DOCK7: variants seen among roughly 807,000 people sequenced by gnomAD.
The protein encoded by DOCK7 is dedicator of cytokinesis protein 7.
In DOCK7, 138 loss-of-function variants were observed where a neutral mutation model predicts 271.0. The ratio of observed to expected loss-of-function variants is 0.51; its 90% CI spans 0.44 to 0.59. The LOEUF is 0.59. Ranked by LOEUF, DOCK7 falls within the 20% of genes least tolerant of loss-of-function variation. DOCK7 has a pLI of 0.00. For missense variants in DOCK7, 2,066 were observed against 2,592.4 expected (o/e 0.80, Z 4.41); for synonymous variants, 823 against 876.1 (o/e 0.94, Z 1.07).
intron 18 of DOCK7, among the ~76,000 whole-genome samples, chr1:62,566,011 C>G (rs1041134542): frequency 8.6e-5 from 13 of 152,016 alleles, no homozygotes; most frequent in African/African-American, 3.1e-4. Context: ...TGAAGGACCT[C>G]TTCAAGGAGA....
Position 62,487,383 on chromosome 1 carries a change from T to C in DOCK7, c.5508+15A>G. Reference sequence around the variant, plus strand: ...CAATCTATTAGTGTCTTTAACTAACTAAAACATTACCTACCTCCCAGCCAG... The same window carrying C: ...CAATCTATTAGTGTCTTTAACTAACCAAAACATTACCTACCTCCCAGCCAG... On this transcript the variant is annotated intron_variant, in intron 43 of 49. Coordinates refer to ENST00000635253, the MANE Select transcript of DOCK7 (RefSeq NM_001367561.1). 3 of 1,609,054 alleles carry C rather than the reference T, an allele frequency of 1.9e-6. No homozygotes were observed. Among genetic ancestry groups the C allele is most frequent in the Non-Finnish European group, 2.6e-6 (3 of 1,176,138 alleles).
intron 18 of DOCK7, among the ~76,000 whole-genome samples, chr1:62,576,928 T>TA (rs1038915609): frequency 6.6e-6 from 1 of 152,138 alleles, no homozygotes; most frequent in African/African-American, 2.4e-5. Flanking sequence ...CTACTAAAAA[T>TA]AAAAAAGAAA....
intron 22 of DOCK7, 22 bp from the exon 23 acceptor site, chr1:62,545,061 G>A (rs1294294450): frequency 9.9e-6 from 15 of 1,513,764 alleles, no homozygotes; most frequent in Middle Eastern, 1.7e-4. Context: ...ATAGAAAGCA[G>A]TTTGAAAGGA....
intron 1 of DOCK7, among the ~76,000 whole-genome samples, chr1:62,670,651 T>C (rs1322769592): frequency 1.3e-5 from 2 of 151,768 alleles, no homozygotes; most frequent in Non-Finnish European, 2.9e-5. Flanking sequence ...TGGGGCCTTG[T>C]AGAACCTATG....
At chr1:62,470,861 CA>C (rs752473007) in intron 48 of DOCK7, among the ~76,000 whole-genome samples, 18 of 149,578 alleles carry the variant, frequency 1.2e-4, no homozygotes, top group African/African-American at 2.9e-4. Flanking sequence ...CTATGGAAAT[CA>C]AAAAAAAAAT....
rs1646890136 is a variant in DOCK7, at chr1:62,504,738, A to G, written c.4656T>C (p.Asp1552=). ...LFEEETEQCA[D]LCLRLLRHCS... ...AGTGTCGGAGAAGCCTGAGGCATAAATCAGCACACTGCTCTGTCTCTTCTT... is the reference window on the plus strand; with the variant it reads ...AGTGTCGGAGAAGCCTGAGGCATAAGTCAGCACACTGCTCTGTCTCTTCTT... The change falls in exon 37 of 50, where the codon GAT becomes GAC. Residue 1552 remains aspartate, a synonymous_variant. Coordinates refer to ENST00000635253, the MANE Select transcript of DOCK7 (RefSeq NM_001367561.1). 6.2e-7 allele frequency: 1 copy of G among 1,614,158 alleles called. No homozygotes were observed. Among genetic ancestry groups the G allele is most frequent in the Non-Finnish European group, 8.5e-7 (1 of 1,180,012 alleles).
chr1:62,645,261 TAGCCAAAA>T (rs1185733470), intron 7 of DOCK7, among the ~76,000 whole-genome samples: 1 of 152,076 alleles, frequency 6.6e-6, no homozygotes, highest in Non-Finnish European at 1.5e-5. Context: ...ATTATCAACT[TAGCCAAAA>T]AGTGGAAGCA....
At chr1:62,634,199 T>A (rs554466454) in intron 9 of DOCK7, among the ~76,000 whole-genome samples, 1 of 152,036 alleles carries the variant, frequency 6.6e-6, no homozygotes, top group East Asian at 1.9e-4. Context: ...ACCAAGAAAG[T>A]AAAGGATCTA....
At chr1:62,640,429 G>T (rs988383930) in intron 7 of DOCK7, among the ~76,000 whole-genome samples, 1 of 152,204 alleles carries the variant, frequency 6.6e-6, no homozygotes, top group African/African-American at 2.4e-5. Flanking sequence ...GGCTGAGGCA[G>T]GAGAATCACT....
chr1:62,633,637 T>C (rs1452490348), intron 9 of DOCK7, 59 bp from the exon 10 acceptor site: 1 of 1,188,928 alleles, frequency 8.4e-7, no homozygotes. Context: ...TCAAGGATGG[T>C]TCAATATACG....
At chr1:62,596,047 T>C (rs965228124) in intron 14 of DOCK7, among the ~76,000 whole-genome samples, 1 of 152,166 alleles carries the variant, frequency 6.6e-6, no homozygotes, top group East Asian at 1.9e-4. Context: ...TTATGAAAAA[T>C]TTCTTTTAGG....
intron 21 of DOCK7, 108 bp downstream of exon 21, chr1:62,555,717 G>T: frequency 1.6e-6 from 2 of 1,247,778 alleles, no homozygotes; most frequent in Non-Finnish European, 2.2e-6. Flanking sequence ...TTCAATAAAT[G>T]TTTGCCTTTG....
intron 1 of DOCK7, among the ~76,000 whole-genome samples, chr1:62,682,311 T>C (rs1275831452): frequency 1.3e-5 from 2 of 152,124 alleles, no homozygotes; most frequent in African/African-American, 4.8e-5. Context: ...ACACTTGAAT[T>C]AGAGGAGGGA....
intron 4 of DOCK7, among the ~76,000 whole-genome samples, chr1:62,649,803 G>T (rs1478562951): frequency 6.6e-6 from 1 of 152,028 alleles, no homozygotes; most frequent in Non-Finnish European, 1.5e-5. Context: ...TTTGTTCCTT[G>T]AACATTTCTA....
intron 14 of DOCK7, among the ~76,000 whole-genome samples, chr1:62,602,864 C>T (rs1650357260): frequency 6.6e-6 from 1 of 151,398 alleles, no homozygotes; most frequent in African/African-American, 2.4e-5. Context: ...GAATGTATGG[C>T]TTATAATGAA....
chr1:62,666,606 T>TA (rs994954999), intron 1 of DOCK7, among the ~76,000 whole-genome samples: 1 of 152,164 alleles, frequency 6.6e-6, no homozygotes, highest in African/African-American at 2.4e-5. Context: ...AAAAACTCTA[T>TA]CTCTTAACCA....
At chr1:62,680,950 A>G (rs1436778705) in intron 1 of DOCK7, among the ~76,000 whole-genome samples, 1 of 152,158 alleles carries the variant, frequency 6.6e-6, no homozygotes, top group Non-Finnish European at 1.5e-5. Context: ...CTGTAAACTA[A>G]TTCAACCATT....
At chr1:62,498,622 T>A (rs1376304459) in intron 37 of DOCK7, among the ~76,000 whole-genome samples, 1 of 146,372 alleles carries the variant, frequency 6.8e-6, no homozygotes, top group Non-Finnish European at 1.5e-5. Flanking sequence ...CTTCTCCCAC[T>A]AGGTGCCAAG....
chr1:62,610,192 G>C (rs1021014908), intron 14 of DOCK7, among the ~76,000 whole-genome samples: 18 of 152,102 alleles, frequency 1.2e-4, no homozygotes, highest in African/African-American at 4.3e-4. Flanking sequence ...CAATTCGATA[G>C]AATAAAACTC....
Sources: allele counts gnomAD v4.1 joint callset (sites outside exome capture counted in the v4.1 genomes callset), GRCh38; gene constraint gnomAD v4.1.1; transcripts MANE v1.5; gene names NCBI Gene and HGNC (gene_info 2026-07-23, HGNC 2026-07-21).